The following ANKS1A variants were observed in gnomAD, a reference collection of about 807,000 sequenced individuals.
ANKS1A encodes ankyrin repeat and sterile alpha motif domain containing 1A.
In ANKS1A, 55 loss-of-function variants were observed where a neutral mutation model predicts 120.3. The ratio of observed to expected loss-of-function variants is 0.46; its 90% CI spans 0.37 to 0.57. ANKS1A has a LOEUF of 0.57. ANKS1A is among the 20% of genes least tolerant of loss of function. ANKS1A has a pLI of 0.00. For missense variants in ANKS1A, 1,123 were observed against 1,480.3 expected, an observed-to-expected ratio of 0.76 and a Z score of 3.96; for synonymous variants, 590 against 604.7, an observed-to-expected ratio of 0.98 and a Z score of 0.36.
intron 1 of ANKS1A, among the ~76,000 whole-genome samples, chr6:34,893,103 CT>C (rs1202405024): frequency 6.6e-6 from 1 of 152,180 alleles, no homozygotes; most frequent in African/African-American, 2.4e-5. Context: ...AAGTTAACCA[CT>C]TTGATACTCA....
intron 11 of ANKS1A, among the ~76,000 whole-genome samples, chr6:35,032,310 G>A (rs959194366): frequency 6.6e-6 from 1 of 152,122 alleles, no homozygotes; most frequent in African/African-American, 2.4e-5. Flanking sequence ...GAGAGGATGA[G>A]GTCAAGTCTC....
rs557438936 is a variant in ANKS1A, at chr6:35,015,129, A to G, written c.1424-2344A>G. On this transcript the variant is annotated intron_variant, in intron 10 of 23. Transcript: ENST00000360359. Reference sequence around the variant, plus strand: ...GTTTTTCAGGGTTTGTTCATTGCTCAGGACCTGACCTTTAAGTTGAGTTGA... The same window carrying G: ...GTTTTTCAGGGTTTGTTCATTGCTCGGGACCTGACCTTTAAGTTGAGTTGA... Among the ~76,000 whole-genome samples, 43 of 152,348 alleles carry G rather than the reference A, an allele frequency of 2.8e-4. No individual in the cohort carries two copies. The South Asian group carries it at 6.8e-3, about 24-fold the overall frequency.
chr6:35,097,663 T>C, the ANKS1A span, among the ~76,000 whole-genome samples: 1 of 129,300 alleles, frequency 7.7e-6, no homozygotes, highest in African/African-American at 2.8e-5. Context: ...AAAAAACACA[T>C]ACACACACAC....
chr6:34,957,481 C>T (rs141217294), intron 1 of ANKS1A, among the ~76,000 whole-genome samples: 87 of 152,226 alleles, frequency 5.7e-4, no homozygotes, highest in African/African-American at 2.0e-3. Flanking sequence ...GGAAAACTGC[C>T]AGCCTTTCCT....
rs540292914 is a variant in ANKS1A at position 35,057,241 on chromosome 6, G to A, written c.2078-2906G>A. On this transcript the variant is annotated intron_variant, in intron 12 of 23. Coordinates refer to ENST00000360359, the MANE Select transcript of ANKS1A (RefSeq NM_015245.3). This position sits in a 1 kb window ranked among gnomAD's most constrained non-coding sequence, Gnocchi z 4.1. Reference sequence around the variant, plus strand: ...AGTTAGCTGAATCGCCAACAGAAGCGTTTACAGCTAACTCATCCCTGTGCC... The same window carrying A: ...AGTTAGCTGAATCGCCAACAGAAGCATTTACAGCTAACTCATCCCTGTGCC... Among the ~76,000 whole-genome samples, 104 of 152,252 alleles carry A rather than the reference G, an allele frequency of 6.8e-4. No individual in the cohort carries two copies. The highest frequency in any genetic ancestry group is 1.1e-3 in the Non-Finnish European group (77 of 68,018).
At chr6:35,043,879 T>A (rs1179701050) in intron 11 of ANKS1A, among the ~76,000 whole-genome samples, 1 of 152,204 alleles carries the variant, frequency 6.6e-6, no homozygotes, top group African/African-American at 2.4e-5. Flanking sequence ...ATTTGACCAC[T>A]TGTGAAGCAA....
At chr6:34,901,139 C>T (rs1166940537) in intron 1 of ANKS1A, among the ~76,000 whole-genome samples, 2 of 151,436 alleles carry the variant, frequency 1.3e-5, no homozygotes, top group African/African-American at 4.9e-5. Flanking sequence ...CTACCAGGGC[C>T]AAAGTTTGTA....
chr6:35,016,883 G>T (rs1774037131), intron 10 of ANKS1A, among the ~76,000 whole-genome samples: 1 of 149,908 alleles, frequency 6.7e-6, no homozygotes, highest in Admixed American at 6.6e-5. Context: ...TTTCTCTGCC[G>T]TTTTGTTTCT....
intron 13 of ANKS1A, among the ~76,000 whole-genome samples, chr6:35,077,875 T>C (rs1777450734): frequency 6.6e-6 from 1 of 152,138 alleles, no homozygotes. Flanking sequence ...GGCCCTGTCA[T>C]ATAGTAAGAA....
At chr6:35,018,366 A>G (rs1484121402) in intron 11 of ANKS1A, among the ~76,000 whole-genome samples, 1 of 152,136 alleles carries the variant, frequency 6.6e-6, no homozygotes, top group Admixed American at 6.5e-5. Context: ...AGCCCCATTG[A>G]GAGAATCATG....
intron 1 of ANKS1A, among the ~76,000 whole-genome samples, chr6:34,960,359 T>C (rs1161337992): frequency 5.3e-5 from 8 of 152,124 alleles, no homozygotes; most frequent in African/African-American, 1.9e-4. Flanking sequence ...ATTCGCTCAC[T>C]CTCTCCCTCC....
intron 10 of ANKS1A, among the ~76,000 whole-genome samples, chr6:35,014,522 T>C (rs1178827341): frequency 6.6e-6 from 1 of 152,200 alleles, no homozygotes; most frequent in African/African-American, 2.4e-5. Flanking sequence ...TCATCATTGA[T>C]AGCTAGCATG....
chr6:34,955,615 G>T lies in ANKS1A; in HGVS notation c.198-11624G>T, dbSNP rs1335929812. On this transcript the variant is annotated intron_variant, in intron 1 of 23. Coordinates refer to ENST00000360359, the MANE Select transcript of ANKS1A (RefSeq NM_015245.3). ...TCCAGATATGGTCTCTAGGCCTGCT[G>T]TGTAGCTGATTCCCTTCACCCCGTT... Among the ~76,000 whole-genome samples, 3 of 152,070 alleles carry T rather than the reference G, an allele frequency of 2.0e-5. No homozygotes were observed. In the East Asian group the frequency reaches 5.8e-4, roughly 29 times the overall value.
intron 10 of ANKS1A, among the ~76,000 whole-genome samples, chr6:35,001,393 G>A (rs1773158266): frequency 1.3e-5 from 2 of 150,038 alleles, no homozygotes; most frequent in African/African-American, 4.8e-5. Flanking sequence ...TTATGCTTGT[G>A]CACATGGCAG....
chr6:34,983,525 G>T (rs1002301511), intron 7 of ANKS1A, 100 bp downstream of exon 7: 1 of 1,044,574 alleles, frequency 9.6e-7, no homozygotes, highest in South Asian at 1.6e-5. Context: ...TAATAATTTT[G>T]GGGGATTGTG....
chr6:34,934,175 T>G (rs1430954077), intron 1 of ANKS1A, among the ~76,000 whole-genome samples: 1 of 152,052 alleles, frequency 6.6e-6, no homozygotes, highest in Non-Finnish European at 1.5e-5. Context: ...GGAGACGGAG[T>G]CTTGCTTTGT....
intron 10 of ANKS1A, among the ~76,000 whole-genome samples, chr6:34,995,745 G>A (rs1772816302): frequency 2.6e-5 from 4 of 152,056 alleles, no homozygotes; most frequent in South Asian, 4.1e-4. Context: ...TCAATAATTC[G>A]TTCCTTTTCA....
intron 13 of ANKS1A, among the ~76,000 whole-genome samples, chr6:35,074,434 T>C (rs1487255854): frequency 6.8e-6 from 1 of 146,078 alleles, no homozygotes; most frequent in Non-Finnish European, 1.5e-5. Flanking sequence ...ACCCCATCTC[T>C]ACAAAAAAAA....
intron 11 of ANKS1A, among the ~76,000 whole-genome samples, chr6:35,041,801 G>C (rs2820224): frequency 0.52 from 79,677 of 152,092 alleles, 21,858 homozygotes; most frequent in Middle Eastern, 0.65. Context: ...GAGCTCTTCT[G>C]TGGCCTCCCA....
Sources: gnomAD v4.1 joint callset for allele counts (sites outside exome capture counted in the v4.1 genomes callset) on GRCh38, gnomAD v4.1.1 for gene constraint, Gnocchi (gnomAD v3.1) non-coding constraint, MANE v1.5 for transcripts, NCBI Gene and HGNC (gene_info 2026-07-23, HGNC 2026-07-21) for gene names.